ADAMTS2: variants seen among roughly 807,000 people sequenced by gnomAD.
ADAMTS2 encodes the protein ADAM metallopeptidase with thrombospondin type 1 motif 2.
Under a neutral mutation model 123.0 loss-of-function variants are expected in ADAMTS2, and 50 were observed. That is an observed-to-expected ratio of 0.41 (90% CI 0.32 to 0.51). The LOEUF (loss-of-function observed/expected upper bound fraction) is 0.51, where lower values mean the gene tolerates loss of function less well. Ranked by LOEUF, ADAMTS2 falls within the 20% of genes least tolerant of loss-of-function variation. The probability of loss-of-function intolerance (pLI) is 0.35; values close to 1 mark genes in which losing one functional copy is unlikely to be tolerated. For missense variants in ADAMTS2, 1,494 were observed against 1,705.2 expected, an observed-to-expected ratio of 0.88 and a Z score of 2.18; for synonymous variants, 678 against 695.4, an observed-to-expected ratio of 0.98 and a Z score of 0.39.
rs139749095 is a variant in ADAMTS2 at position 179,218,142 on chromosome 5, C to T, written c.689-10427G>A. Among the ~76,000 whole-genome samples the T allele has an allele frequency of 8.5e-5, 13 of 152,342 alleles. No individual in the cohort carries two copies. The East Asian group carries it at 1.7e-3, about 20-fold the overall frequency. ...GCCATGATGTTGGCAAATGGCCAGG[C>T]CAGAATGCCAGCCCAGTTCCTGCAC... is the stretch of plus-strand genomic sequence containing the variant. On this transcript the variant is annotated intron_variant, in intron 3 of 21. Coordinates refer to ENST00000251582, the MANE Select transcript of ADAMTS2 (RefSeq NM_014244.5).
At chr5:179,190,809 A>G (rs955084069) in intron 4 of ADAMTS2, among the ~76,000 whole-genome samples, 2 of 152,262 alleles carry the variant, frequency 1.3e-5, no homozygotes, top group Non-Finnish European at 2.9e-5. Flanking sequence ...AGAATGGTCC[A>G]CCTGGGCTTC....
chr5:179,161,487 T>C (rs774969884), intron 5 of ADAMTS2, among the ~76,000 whole-genome samples: 5 of 152,138 alleles, frequency 3.3e-5, no homozygotes, highest in Non-Finnish European at 5.9e-5. Context: ...ACGTGGAAGC[T>C]AAAACAGTTG....
intron 3 of ADAMTS2, among the ~76,000 whole-genome samples, chr5:179,211,706 G>A (rs1387808897): frequency 6.6e-6 from 1 of 152,214 alleles, no homozygotes; most frequent in Non-Finnish European, 1.5e-5. Context: ...TTCCATCAGG[G>A]GAACGGGTGG....
rs950936337 is a variant in ADAMTS2, at chr5:179,112,710, C to T, written c.*1157G>A. 9 of 152,258 alleles carry T rather than the reference C, an allele frequency of 5.9e-5. No individual in the cohort carries two copies. Among genetic ancestry groups the T allele is most frequent in the African/African-American group, 1.7e-4 (7 of 41,446 alleles). 9.4% of individuals were successfully genotyped at this position (152,258 alleles called of 1,614,324 possible). A position where few individuals can be genotyped will look rare whatever the true frequency, so the allele number is the denominator to read the frequency against. ...GAATCCCAGAACCCTTAGACTTGGC[C>T]GTAGGGAGATTCCAGGCCCTTGAAC... On this transcript the variant is annotated 3_prime_UTR_variant, in exon 22 of 22. Transcript: ENST00000251582.
chr5:179,128,193 G>A lies in ADAMTS2; in HGVS notation c.2458-75C>T. The A allele has an allele frequency of 6.3e-7, 1 of 1,575,098 alleles. No homozygotes were observed. Among genetic ancestry groups the A allele is most frequent in the African/African-American group, 1.3e-5 (1 of 74,478 alleles). The stretch of plus-strand genomic sequence containing the variant: ...CTCCCCAGCCAGCTTAGGAACGGCA[G>A]CTGAGGCCGACTCCAGAGGAGTCTC... On this transcript the variant is annotated intron_variant, in intron 16 of 21. Coordinates refer to ENST00000251582, the MANE Select transcript of ADAMTS2 (RefSeq NM_014244.5). The surrounding 1 kb of genome is among the most constrained non-coding windows in gnomAD (Gnocchi z 4.9).
At chr5:179,340,066 G>T (rs1045316302) in intron 2 of ADAMTS2, among the ~76,000 whole-genome samples, 1 of 152,242 alleles carries the variant, frequency 6.6e-6, no homozygotes, top group Non-Finnish European at 1.5e-5. Flanking sequence ...TGCAACCTTG[G>T]GTCTCTCTGA....
intron 5 of ADAMTS2, among the ~76,000 whole-genome samples, chr5:179,168,484 C>T (rs7732251): frequency 0.4 from 60,227 of 151,876 alleles, 12,280 homozygotes; most frequent in African/African-American, 0.46. Flanking sequence ...GATCACAGCG[C>T]CTACTCCACA....
At chr5:179,126,815 G>C (rs929250079) in intron 17 of ADAMTS2, among the ~76,000 whole-genome samples, 2 of 152,230 alleles carry the variant, frequency 1.3e-5, no homozygotes, top group African/African-American at 4.8e-5. Context: ...CCAGGAAGCA[G>C]AGGCTGGGGA....
chr5:179,322,709 C>T (rs1051638967), intron 2 of ADAMTS2, among the ~76,000 whole-genome samples: 14 of 152,240 alleles, frequency 9.2e-5, no homozygotes, highest in Non-Finnish European at 1.8e-4. Context: ...GCTCCGCAGG[C>T]AGGTGGGGCC....
intron 2 of ADAMTS2, among the ~76,000 whole-genome samples, chr5:179,321,008 A>G (rs1202478590): frequency 6.6e-6 from 1 of 152,160 alleles, no homozygotes. Flanking sequence ...GGGCACCTGG[A>G]TCCAGCCACA....
chr5:179,292,338 C>CCT (rs201210440), intron 2 of ADAMTS2, among the ~76,000 whole-genome samples: 2,796 of 149,210 alleles, frequency 0.019, 35 homozygotes, highest in Middle Eastern at 0.048. Flanking sequence ...TTGCTATTAC[C>CCT]CCCCAGCTGT....
chr5:179,334,354 C>T (rs141073112), intron 2 of ADAMTS2, among the ~76,000 whole-genome samples: 44 of 152,162 alleles, frequency 2.9e-4, no homozygotes, highest in Non-Finnish European at 4.4e-5. Context: ...ACACAAACAC[C>T]CCGGAATCGC....
intron 5 of ADAMTS2, among the ~76,000 whole-genome samples, chr5:179,167,191 A>G (rs1484064058): frequency 6.6e-6 from 1 of 151,938 alleles, no homozygotes; most frequent in Non-Finnish European, 1.5e-5. Flanking sequence ...AACTGAAAGG[A>G]CTCGCCTGAG....
intron 5 of ADAMTS2, among the ~76,000 whole-genome samples, chr5:179,177,310 A>C (rs1323325292): frequency 6.6e-6 from 1 of 152,064 alleles, no homozygotes; most frequent in East Asian, 1.9e-4. Context: ...ATTCAATTAA[A>C]CTCTTAATGC....
chr5:179,268,035 A>G (rs2113503492), intron 3 of ADAMTS2, among the ~76,000 whole-genome samples: 1 of 152,370 alleles, frequency 6.6e-6, no homozygotes, highest in South Asian at 2.1e-4. Context: ...GAGCCTTCTC[A>G]GTTCATCCTC....
chr5:179,244,865 C>T (rs74318323), intron 3 of ADAMTS2, among the ~76,000 whole-genome samples: 5,565 of 152,240 alleles, frequency 0.037, 136 homozygotes, highest in Non-Finnish European at 0.059. Context: ...TATATATGTA[C>T]TCTCCTCTCT....
intron 2 of ADAMTS2, among the ~76,000 whole-genome samples, chr5:179,275,642 G>T (rs961650561): frequency 6.6e-6 from 1 of 152,210 alleles, no homozygotes; most frequent in Admixed American, 6.5e-5. Context: ...AGATTGGAGC[G>T]ATGTGGCCTC....
Position 179,128,644 on chromosome 5 carries a change from C to T in ADAMTS2, c.2458-526G>A, listed in dbSNP as rs193011837. 3.9e-5 allele frequency among the ~76,000 whole-genome samples: 6 copies of T among 152,260 alleles called. No individual in the cohort carries two copies. The highest frequency in any genetic ancestry group is 3.9e-4 in the Admixed American group (6 of 15,290). On this transcript the variant is annotated intron_variant, in intron 16 of 21. Transcript: ENST00000251582. This position sits in a 1 kb window ranked among gnomAD's most constrained non-coding sequence, Gnocchi z 4.9. ...CTGACCTCAAGTGATCCACCCGCCT[C>T]GGCCTCCCAAAGTACTGGGATTACA...
At chr5:179,240,092 C>T (rs925164713) in intron 3 of ADAMTS2, among the ~76,000 whole-genome samples, 26 of 152,002 alleles carry the variant, frequency 1.7e-4, no homozygotes, top group East Asian at 7.7e-4. Context: ...AGGTGACAGA[C>T]GAGGGAAGCC....
Sources: gnomAD v4.1 joint callset for allele counts (sites outside exome capture counted in the v4.1 genomes callset) on GRCh38, gnomAD v4.1.1 for gene constraint, Gnocchi (gnomAD v3.1) non-coding constraint, MANE v1.5 for transcripts, NCBI Gene and HGNC (gene_info 2026-07-23, HGNC 2026-07-21) for gene names.